The following COL5A3 variants were observed in gnomAD, a reference collection of about 807,000 sequenced individuals.
COL5A3 encodes the protein collagen type V alpha 3 chain.
In COL5A3, 172 loss-of-function variants were observed where a neutral mutation model predicts 250.0. The observed-to-expected ratio is 0.69, with a 90% CI of 0.61 to 0.78. The LOEUF (loss-of-function observed/expected upper bound fraction) is 0.78, where lower values mean the gene tolerates loss of function less well. Ranked by LOEUF, COL5A3 falls within the 30% of genes least tolerant of loss-of-function variation. The pLI is 0.00. For synonymous variants in COL5A3, 937 were observed against 900.4 expected (o/e 1.04, Z -0.73); for missense variants, 2,340 against 2,334.4 (o/e 1.00, Z -0.05).
At chr19:9,977,726 G>A in intron 41 of COL5A3, 25 bp from the exon 42 acceptor site, 1 of 1,511,842 alleles carries the variant, frequency 6.6e-7, no homozygotes, top group East Asian at 2.3e-5. Flanking sequence ...GATGAATCAG[G>A]TATAATACCA....
In COL5A3 at chr19:9,973,725, C is replaced by T. The variant is rs775682490; in HGVS notation, c.3612+31G>A. On this transcript the variant is annotated intron_variant, in intron 49 of 66. Coordinates refer to ENST00000264828, the MANE Select transcript of COL5A3 (RefSeq NM_015719.4). ...CAATAGGACTAGATTTATCTCTTCC[C>T]CCCGTGCAGCCCCTGCCTTCCCTCA... 6.2e-6 allele frequency: 10 copies of T among 1,613,672 alleles called. No homozygotes were observed. The East Asian group carries it at 2.0e-4, about 32-fold the overall frequency.
At position 9,977,103 on chromosome 19, in the gene COL5A3, A is replaced by G. The variant is rs116090411; in HGVS notation, c.3288+126T>C. 1.1e-3 allele frequency: 953 copies of G among 892,272 alleles called. 6 individuals are homozygous for G. In the African/African-American group the frequency reaches 0.015, roughly 14 times the overall value. The allele number at this position is 892,272 out of a possible 1,614,324, so 55.3% of individuals were successfully genotyped here. ...CCTTCTGTTGCATGTAATTGTCAAG[A>G]TGGTACCCGAGAAGGCAGAAAACTC... On this transcript the variant is annotated intron_variant, in intron 44 of 66. Coordinates refer to ENST00000264828, the MANE Select transcript of COL5A3 (RefSeq NM_015719.4).
chr19:9,960,953 C>A lies in COL5A3; in HGVS notation c.4852-63G>T, dbSNP rs961905595. 9 of 1,576,322 alleles carry A rather than the reference C, an allele frequency of 5.7e-6. No individual in the cohort carries two copies. The Admixed American group carries it at 1.0e-4, about 18-fold the overall frequency. ...CATGAGCCTCTTTCTGCAGAAGCCA[C>A]CCCCTGGAATCTCCATCCACTGGCA... On this transcript the variant is annotated intron_variant, in intron 65 of 66. Coordinates refer to ENST00000264828, the MANE Select transcript of COL5A3 (RefSeq NM_015719.4).
chr19:10,004,905 G>A (rs976476553), intron 4 of COL5A3, among the ~76,000 whole-genome samples: 3 of 151,854 alleles, frequency 2.0e-5, no homozygotes, highest in African/African-American at 7.3e-5. Flanking sequence ...TCAGACACAC[G>A]ACACCACCAG....
At chr19:9,988,859 G>GAGAGAGAGAAAGAAAA (rs2087144417) in intron 27 of COL5A3, among the ~76,000 whole-genome samples, 4 of 76,250 alleles carry the variant, frequency 5.2e-5, no homozygotes, top group African/African-American at 2.3e-4. Context: ...AAAAAAAAAA[G>GAGAGAGAGAAAGAAAA]AAAGTAAAGA....
At chr19:9,987,176 C>G (rs895620258) in intron 27 of COL5A3, among the ~76,000 whole-genome samples, 1 of 152,180 alleles carries the variant, frequency 6.6e-6, no homozygotes, top group Non-Finnish European at 1.5e-5. Context: ...GCGCTTAGTT[C>G]AAGTCTGGAT....
At position 9,996,422 on chromosome 19, in the gene COL5A3, C is replaced by T; in HGVS notation, c.1422+11G>A. On this transcript the variant is annotated intron_variant, in intron 13 of 66. Coordinates refer to ENST00000264828, the MANE Select transcript of COL5A3 (RefSeq NM_015719.4). ...GGGGTTCCTCCCACTATGTCCACAC[C>T]TCCCACTCACCTGAGTCTGCTGCAG... The T allele has an allele frequency of 2.5e-6, 4 of 1,613,526 alleles. No homozygotes were observed. The highest frequency in any genetic ancestry group is 1.1e-5 in the South Asian group (1 of 90,986).
chr19:9,978,063 T>TCC (rs1426195879), intron 41 of COL5A3, among the ~76,000 whole-genome samples: 1 of 150,684 alleles, frequency 6.6e-6, no homozygotes, highest in African/African-American at 2.4e-5. Flanking sequence ...AGCCTCAGCC[T>TCC]CCCAAAGAGC....
In COL5A3 at chr19:9,976,562, G is replaced by A. The variant is rs779930366; in HGVS notation, c.3338C>T (p.Pro1113Leu). 129 of 1,568,072 alleles carry A rather than the reference G, an allele frequency of 8.2e-5. No homozygotes were observed. The highest frequency in any genetic ancestry group is 1.0e-4 in the Non-Finnish European group (116 of 1,164,318). Residue 1113 changes from proline to leucine, a missense_variant, in exon 45 of 67, where the codon CCC becomes CTC. Coordinates refer to ENST00000264828, the MANE Select transcript of COL5A3 (RefSeq NM_015719.4). ...TGAAAAGATGGGGGCACTCACCGGG[G>A]GACCTGGGTGTCCTGCAGGACCCCG... ...GIRGPAGHPGPPGADGAQGRR... is the reference protein window; with the variant it reads ...GIRGPAGHPGLPGADGAQGRR...
rs1372047389 is a variant in COL5A3, at chr19:9,960,187, G to A, written c.*224C>T. ...GGAGGGGAGAAAGAGCCAGACTGCA[G>A]TATGCCACCTGGAATGGGGTGAGAG... On this transcript the variant is annotated 3_prime_UTR_variant, in exon 67 of 67. Transcript: ENST00000264828. 1.7e-6 allele frequency: 1 copy of A among 595,848 alleles called. No individual in the cohort carries two copies. Among genetic ancestry groups the A allele is most frequent in the African/African-American group, 1.9e-5 (1 of 53,770 alleles). 36.9% of individuals were successfully genotyped at this position (595,848 alleles called of 1,614,324 possible). A position where few individuals can be genotyped will look rare whatever the true frequency, so the allele number is the denominator to read the frequency against.
chr19:10,004,336 A>G (rs1474682819), intron 4 of COL5A3, among the ~76,000 whole-genome samples, 191 bp from the exon 5 acceptor site: 1 of 152,072 alleles, frequency 6.6e-6, no homozygotes, highest in African/African-American at 2.4e-5. Flanking sequence ...CCCTGTAACT[A>G]AGAGAAGGAA....
At chr19:10,008,537 G>A (rs2087477239) in intron 1 of COL5A3, among the ~76,000 whole-genome samples, 1 of 152,188 alleles carries the variant, frequency 6.6e-6, no homozygotes, top group Non-Finnish European at 1.5e-5. Flanking sequence ...GGTCTGGGAT[G>A]TGGAGGGACA....
rs57642882 is a variant in COL5A3 at position 9,994,559 on chromosome 19, CATATATATATATATATATATATAT to C, written c.1588-777_1588-754del. ...AGGCTGGAGTTACATATATGTTTTA[CATATATATATATATATATATATAT>C]ATATATATATATATATATATATATG... is the stretch of plus-strand genomic sequence containing the variant. On this transcript the variant is annotated intron_variant, in intron 16 of 66. Coordinates refer to ENST00000264828, the MANE Select transcript of COL5A3 (RefSeq NM_015719.4). Among the ~76,000 whole-genome samples the C allele has an allele frequency of 5.4e-3, 385 of 70,716 alleles. 6 individuals are homozygous for C. Among genetic ancestry groups the C allele is most frequent in the African/African-American group, 9.1e-3 (246 of 26,902 alleles). 46.4% of individuals were successfully genotyped at this position (70,716 alleles called of 152,430 possible).
intron 64 of COL5A3, among the ~76,000 whole-genome samples, chr19:9,963,430 C>T (rs2086697616): frequency 6.6e-6 from 1 of 151,798 alleles, no homozygotes; most frequent in Non-Finnish European, 1.5e-5. Context: ...TGTTCTGTCA[C>T]AGGGTCTTGG....
rs141946790 is a variant in COL5A3, at chr19:9,960,757, G to A, written c.4985C>T (p.Thr1662Met). The A allele has an allele frequency of 8.7e-4, 1,397 of 1,614,034 alleles. 17 individuals carry two copies. The African/African-American group carries it at 0.016, about 18-fold the overall frequency. ...QNAAAWLDEA[T>M]GDYSHSARFL... ...GCGGGCGGAGTGGCTGTAGTCACCC[G>A]TGGCTTCGTCCAGCCAGGCAGCTGC... The change falls in exon 66 of 67, where the codon ACG (threonine) becomes ATG (methionine). Residue 1662 changes from threonine (T) to methionine (M), a missense_variant. Physicochemically the swap from Thr to Met is moderately conservative, Grantham distance 81 (BLOSUM62 -1). This residue lies in a region of COL5A3 where 1,179 missense variants were observed against 1,162.6 expected (regional missense o/e 1.01). Coordinates refer to ENST00000264828, the MANE Select transcript of COL5A3 (RefSeq NM_015719.4).
At chr19:9,965,407 C>T (rs1407799136) in intron 64 of COL5A3, among the ~76,000 whole-genome samples, 5 of 151,258 alleles carry the variant, frequency 3.3e-5, no homozygotes, top group Admixed American at 6.6e-5. Flanking sequence ...CCACCCGCCT[C>T]GGCCTCCCAA....
intron 65 of COL5A3, among the ~76,000 whole-genome samples, chr19:9,961,226 C>T (rs1361810626): frequency 2.0e-5 from 3 of 152,208 alleles, no homozygotes; most frequent in Admixed American, 2.0e-4. Flanking sequence ...GCTGGATCTA[C>T]AGAGCTCACT....
intron 21 of COL5A3, 103 bp from the exon 22 acceptor site, chr19:9,992,151 T>C (rs1056196092): frequency 4.1e-6 from 4 of 969,202 alleles, no homozygotes; most frequent in East Asian, 2.4e-5. Context: ...GGCCGGGCAC[T>C]GTGGCTCATG....
At position 9,960,393 on chromosome 19, in the gene COL5A3, C is replaced by T. The variant is rs374836707; in HGVS notation, c.*18G>A. ...CCATTCTGGGGCTCCCTCATGGTCCCTCCCACCCCGGACACTCTCAGCTGC... is the reference window on the plus strand; with the variant it reads ...CCATTCTGGGGCTCCCTCATGGTCCTTCCCACCCCGGACACTCTCAGCTGC... On this transcript the variant is annotated 3_prime_UTR_variant, in exon 67 of 67. Transcript: ENST00000264828. The T allele has an allele frequency of 3.3e-5, 54 of 1,613,916 alleles. No individual in the cohort carries two copies. The African/African-American group carries it at 5.9e-4, about 18-fold the overall frequency.
Sources: allele counts gnomAD v4.1 joint callset (sites outside exome capture counted in the v4.1 genomes callset), GRCh38; gene constraint gnomAD v4.1.1; regional missense constraint gnomAD v4.1.1; transcripts MANE v1.5; gene names NCBI Gene and HGNC (gene_info 2026-07-23, HGNC 2026-07-21).